ARID1B: variants seen among roughly 807,000 people sequenced by gnomAD.
ARID1B encodes AT-rich interactive domain-containing protein 1B.
A neutral mutation model predicts 212.3 loss-of-function variants in ARID1B; 30 were observed. The ratio of observed to expected loss-of-function variants is 0.14; its 90% CI spans 0.11 to 0.19. The LOEUF (loss-of-function observed/expected upper bound fraction) is 0.19. Ranked by LOEUF, ARID1B falls within the 10% of genes least tolerant of loss-of-function variation. The pLI is 1.00. For missense variants in ARID1B, 2,891 were observed against 3,204.0 expected (o/e 0.90, Z 2.36); for synonymous variants, 1,402 against 1,301.7 (o/e 1.08, Z -1.66).
chr6:156,900,194 T>C lies in ARID1B; in HGVS notation c.1987-1182T>C, dbSNP rs527287313. 1.4e-3 allele frequency among the ~76,000 whole-genome samples: 210 copies of C among 152,370 alleles called. 1 individual carries two copies. Among genetic ancestry groups the C allele is most frequent in the Non-Finnish European group, 2.5e-3 (168 of 68,042 alleles). ...TGATGAGAGGCATTGTGAGCCGTTATGGTCACATTTAATCTCATCCTCTTT... is the reference window on the plus strand; with the variant it reads ...TGATGAGAGGCATTGTGAGCCGTTACGGTCACATTTAATCTCATCCTCTTT... On this transcript the variant is annotated intron_variant, in intron 2 of 19. Transcript: ENST00000636930.
Position 157,174,928 on chromosome 6 carries a change from G to A in ARID1B, c.3427G>A (p.Ala1143Thr). The change falls in exon 11 of 20, where the codon GCT becomes ACT. Residue 1143 changes from alanine (A) to threonine (T), a missense_variant. Transcript: ENST00000636930. ...CCCTTCCCCAATGTCCCCCAGCTCTGCTAGCATCTCCTCATTTCATGGAGA... is the reference window on the plus strand; with the variant it reads ...CCCTTCCCCAATGTCCCCCAGCTCTACTAGCATCTCCTCATTTCATGGAGA... ...PVPSPMSPSS[A>T]SISSFHGDES... is the part of the protein sequence containing the mutation. 1 of 1,542,634 alleles carries A rather than the reference G, an allele frequency of 6.5e-7. No homozygotes were observed. Among genetic ancestry groups the A allele is most frequent in the Non-Finnish European group, 8.7e-7 (1 of 1,143,568 alleles).
At chr6:157,068,748 T>C (rs1319467623) in intron 4 of ARID1B, among the ~76,000 whole-genome samples, 1 of 152,226 alleles carries the variant, frequency 6.6e-6, no homozygotes, top group Non-Finnish European at 1.5e-5. Context: ...ACATACACCC[T>C]CTCACACACG....
intron 4 of ARID1B, among the ~76,000 whole-genome samples, chr6:157,015,004 T>C (rs563989147): frequency 5.3e-5 from 8 of 152,230 alleles, no homozygotes; most frequent in Non-Finnish European, 1.2e-4. Context: ...AGCAGCTGGC[T>C]AATCTGACTC....
intron 5 of ARID1B, among the ~76,000 whole-genome samples, 160 bp from the exon 6 acceptor site, chr6:157,110,312 G>C (rs534392467): frequency 2.8e-4 from 42 of 152,040 alleles, no homozygotes; most frequent in Non-Finnish European, 4.1e-4. Flanking sequence ...TGTTTCCCAG[G>C]GAAAAGATGA....
At chr6:157,006,153 T>G (rs1198405666) in intron 4 of ARID1B, among the ~76,000 whole-genome samples, 1 of 152,186 alleles carries the variant, frequency 6.6e-6, no homozygotes, top group African/African-American at 2.4e-5. Context: ...GCACATATTC[T>G]TACCTCAGGG....
intron 5 of ARID1B, among the ~76,000 whole-genome samples, chr6:157,107,110 T>A (rs1196864597): frequency 6.6e-6 from 1 of 152,196 alleles, no homozygotes; most frequent in East Asian, 1.9e-4. Flanking sequence ...AACCTCATTT[T>A]AGGGATAAAA....
intron 4 of ARID1B, among the ~76,000 whole-genome samples, chr6:157,011,270 G>T (rs1396660095): frequency 6.6e-6 from 1 of 152,160 alleles, no homozygotes. Context: ...TAATTAGATT[G>T]CTATTTGAGG....
intron 4 of ARID1B, among the ~76,000 whole-genome samples, chr6:156,980,607 G>T (rs371188363): frequency 6.6e-6 from 1 of 152,234 alleles, no homozygotes; most frequent in Non-Finnish European, 1.5e-5. Context: ...GGAGGAGTCC[G>T]GTTTAGTGGC....
intron 4 of ARID1B, among the ~76,000 whole-genome samples, chr6:156,953,384 T>A (rs998914215): frequency 2.0e-5 from 3 of 152,248 alleles, no homozygotes; most frequent in Admixed American, 6.5e-5. Flanking sequence ...CCTTGGAACA[T>A]TCATGCAGGT....
chr6:157,083,128 T>C (rs777852492), intron 4 of ARID1B, among the ~76,000 whole-genome samples: 1 of 152,224 alleles, frequency 6.6e-6, no homozygotes, highest in Non-Finnish European at 1.5e-5. Flanking sequence ...TCTTAGAATC[T>C]TAGCATTTTC....
intron 2 of ARID1B, chr6:156,869,986 A>G (rs1415565214): frequency 6.7e-6 from 1 of 148,198 alleles, no homozygotes; most frequent in Non-Finnish European, 1.5e-5. Flanking sequence ...TGAGTTCCCT[A>G]CACACCAGGG....
intron 6 of ARID1B, among the ~76,000 whole-genome samples, chr6:157,129,032 C>G (rs1788348038): frequency 6.6e-6 from 1 of 152,170 alleles, no homozygotes; most frequent in African/African-American, 2.4e-5. Context: ...GAAATAAAAA[C>G]TTGTTCATCC....
intron 5 of ARID1B, among the ~76,000 whole-genome samples, chr6:157,098,182 C>A (rs554677676): frequency 2.0e-5 from 3 of 151,216 alleles, no homozygotes; most frequent in African/African-American, 7.2e-5. Flanking sequence ...GAAATATAAA[C>A]CATCCCTCTA....
intron 4 of ARID1B, among the ~76,000 whole-genome samples, chr6:157,060,501 G>T (rs1783268622): frequency 6.6e-6 from 1 of 151,982 alleles, no homozygotes. Flanking sequence ...TGTTTCACTA[G>T]TAGTTTTTCT....
chr6:156,906,252 G>C (rs1426716051), intron 3 of ARID1B, among the ~76,000 whole-genome samples: 1 of 152,052 alleles, frequency 6.6e-6, no homozygotes, highest in Non-Finnish European at 1.5e-5. Context: ...GTGGGGCAGG[G>C]TTGTCATTGG....
chr6:156,800,186 C>G (rs1250732566), intron 1 of ARID1B, among the ~76,000 whole-genome samples: 2 of 152,224 alleles, frequency 1.3e-5, no homozygotes, highest in Non-Finnish European at 2.9e-5. Context: ...TTTCATGTGT[C>G]TGAAGAACCT....
At chr6:157,036,515 G>A in intron 4 of ARID1B, 1 of 270,130 alleles carries the variant, frequency 3.7e-6, no homozygotes, top group South Asian at 4.1e-5. Flanking sequence ...AACATGTTGT[G>A]ATTTAGGTGA....
At chr6:157,189,402 A>G (rs1793199245) in intron 13 of ARID1B, among the ~76,000 whole-genome samples, 5 of 152,270 alleles carry the variant, frequency 3.3e-5, no homozygotes, top group Non-Finnish European at 7.3e-5. Flanking sequence ...TTTATGGCTC[A>G]CAAATGAAAT....
intron 3 of ARID1B, among the ~76,000 whole-genome samples, chr6:156,906,538 T>TC (rs1199678364): frequency 1.2e-5 from 1 of 85,504 alleles, no homozygotes; most frequent in South Asian, 4.6e-4. Flanking sequence ...AGAGCGAAAC[T>TC]CCATCTCCAA....
Sources: allele counts gnomAD v4.1 joint callset (sites outside exome capture counted in the v4.1 genomes callset), GRCh38; gene constraint gnomAD v4.1.1; transcripts MANE v1.5; gene names NCBI Gene and HGNC (gene_info 2026-07-23, HGNC 2026-07-21).